Variants in CACNB2 observed in about 807,000 individuals in gnomAD.
CACNB2 encodes the protein calcium voltage-gated channel auxiliary subunit beta 2.
CACNB2 carries 42 observed loss-of-function variants against 73.3 expected under a neutral mutation model. That is an observed-to-expected ratio of 0.57 (90% confidence interval 0.45 to 0.74). The LOEUF is 0.74. Among genes scored for constraint, CACNB2 ranks in the 30% least tolerant of loss-of-function variants. The pLI is 0.00. For synonymous variants in CACNB2, 348 were observed against 310.3 expected (o/e 1.12, Z -1.28); for missense variants, 940 against 853.0 (o/e 1.10, Z -1.27).
chr10:18,389,124 C>T (rs1246237814), intron 2 of CACNB2, among the ~76,000 whole-genome samples: 1 of 152,058 alleles, frequency 6.6e-6, no homozygotes, highest in African/African-American at 2.4e-5. Flanking sequence ...GGAATCCAAC[C>T]TTATCTCTTC....
intron 2 of CACNB2, among the ~76,000 whole-genome samples, chr10:18,163,102 G>A (rs867722685): frequency 1.3e-5 from 2 of 152,106 alleles, no homozygotes; most frequent in Admixed American, 1.3e-4. Flanking sequence ...CACAGAGGTC[G>A]AAGAGTTGGA....
chr10:18,406,134 A>T (rs950244974), intron 3 of CACNB2, among the ~76,000 whole-genome samples: 1 of 152,192 alleles, frequency 6.6e-6, no homozygotes, highest in Non-Finnish European at 1.5e-5. Context: ...ACAAAGAAGA[A>T]ATTGGCAGGT....
chr10:18,388,943 G>C (rs1424471012), intron 2 of CACNB2, among the ~76,000 whole-genome samples: 1 of 152,066 alleles, frequency 6.6e-6, no homozygotes, highest in Non-Finnish European at 1.5e-5. Context: ...AACTACGAAG[G>C]TGAATCAATT....
chr10:18,468,376 G>A (rs1343198604), intron 3 of CACNB2, among the ~76,000 whole-genome samples: 4 of 151,998 alleles, frequency 2.6e-5, no homozygotes, highest in Admixed American at 6.6e-5. Flanking sequence ...CAGGAGAATC[G>A]CTTGAGCCTG....
chr10:18,323,247 C>T lies in CACNB2; in HGVS notation c.214-78677C>T, dbSNP rs555757404. On this transcript the variant is annotated intron_variant, in intron 2 of 13. Transcript: ENST00000324631. Reference sequence around the variant, plus strand: ...GTGCTGTGATTACAGGCGTGAGCCACTGCTCCTGGCCTCTCCTTGTTTTTC... The same window carrying T: ...GTGCTGTGATTACAGGCGTGAGCCATTGCTCCTGGCCTCTCCTTGTTTTTC... 4.6e-5 allele frequency among the ~76,000 whole-genome samples: 7 copies of T among 152,258 alleles called. No individual in the cohort carries two copies. The East Asian group carries it at 1.4e-3, about 29-fold the overall frequency.
chr10:18,402,074 T>A, intron 3 of CACNB2, 31 bp downstream of exon 3: 1 of 1,610,908 alleles, frequency 6.2e-7, no homozygotes, highest in African/African-American at 1.3e-5. Flanking sequence ...CCAAGATCTT[T>A]GCAAGTTGTG....
intron 3 of CACNB2, among the ~76,000 whole-genome samples, chr10:18,472,910 A>G (rs1398986483): frequency 6.6e-6 from 1 of 152,140 alleles, no homozygotes; most frequent in Non-Finnish European, 1.5e-5. Flanking sequence ...TGCCATTTGT[A>G]TTTTCAACAA....
chr10:18,500,308 C>T (rs1219370934), intron 4 of CACNB2, among the ~76,000 whole-genome samples: 1 of 152,184 alleles, frequency 6.6e-6, no homozygotes, highest in Non-Finnish European at 1.5e-5. Flanking sequence ...CAACATCACA[C>T]AAGTAGAGAA....
chr10:18,520,781 A>T (rs2051794673), intron 9 of CACNB2, among the ~76,000 whole-genome samples: 2 of 152,144 alleles, frequency 1.3e-5, no homozygotes, highest in Admixed American at 1.3e-4. Flanking sequence ...GGGCTTTGGC[A>T]CTTTGCAGTT....
chr10:18,479,819 C>T (rs2048631495), intron 3 of CACNB2, among the ~76,000 whole-genome samples: 2 of 152,190 alleles, frequency 1.3e-5, no homozygotes, highest in Admixed American at 1.3e-4. Context: ...GGAACTGAAT[C>T]AACTAAACCT....
rs2046384451 is a variant in CACNB2, at chr10:18,441,014, G to T, written c.333+38971G>T. On this transcript the variant is annotated intron_variant, in intron 3 of 13. Coordinates refer to ENST00000324631, the MANE Select transcript of CACNB2 (RefSeq NM_201596.3). ...AGAAAAACACTGATTGCTTTGTGGG[G>T]AAAAAGCCATGGGATTGGGAACCAG... 3.9e-5 allele frequency among the ~76,000 whole-genome samples: 6 copies of T among 152,194 alleles called. No individual in the cohort carries two copies. The South Asian group carries it at 1.2e-3, about 32-fold the overall frequency.
Position 18,514,323 on chromosome 10 carries a change from T to C in CACNB2, c.758T>C (p.Val253Ala). The C allele has an allele frequency of 6.2e-7, 1 of 1,614,172 alleles. No individual in the cohort carries two copies. The highest frequency in any genetic ancestry group is 1.7e-5 in the Admixed American group (1 of 60,014). The part of the protein sequence containing the change: ...HRSPKPSANS[V>A]TSPHSKEKRM... Reference sequence around the variant, plus strand: ...TCCCCTAAACCCAGTGCAAACAGTGTAACGTCACCCCACTCCAAAGAGAAA... The same window carrying C: ...TCCCCTAAACCCAGTGCAAACAGTGCAACGTCACCCCACTCCAAAGAGAAA... The change falls in exon 7 of 14, where the codon GTA (valine) becomes GCA (alanine). Residue 253 changes from valine to alanine, a missense_variant. Coordinates refer to ENST00000324631, the MANE Select transcript of CACNB2 (RefSeq NM_201596.3).
At chr10:18,492,272 G>T (rs1208917378) in intron 3 of CACNB2, among the ~76,000 whole-genome samples, 1 of 152,110 alleles carries the variant, frequency 6.6e-6, no homozygotes, top group African/African-American at 2.4e-5. Context: ...CATGAGTCTG[G>T]CCAGGGACAC....
chr10:18,445,743 G>A (rs978192806), intron 3 of CACNB2, among the ~76,000 whole-genome samples: 1 of 152,152 alleles, frequency 6.6e-6, no homozygotes, highest in African/African-American at 2.4e-5. Flanking sequence ...TGTAGAAGTG[G>A]TGGGATTGGG....
intron 3 of CACNB2, among the ~76,000 whole-genome samples, chr10:18,473,373 A>C (rs1177598208): frequency 6.6e-6 from 1 of 152,222 alleles, no homozygotes; most frequent in Non-Finnish European, 1.5e-5. Context: ...TATAAAAGTC[A>C]TATCTTGTAA....
chr10:18,499,259 A>G (rs1327250061), intron 4 of CACNB2, among the ~76,000 whole-genome samples: 2 of 152,180 alleles, frequency 1.3e-5, no homozygotes, highest in Admixed American at 6.5e-5. Flanking sequence ...CATAGGAAGT[A>G]TGTGTAAATC....
intron 2 of CACNB2, among the ~76,000 whole-genome samples, chr10:18,252,654 G>A (rs1415656775): frequency 1.3e-5 from 2 of 152,144 alleles, no homozygotes; most frequent in Non-Finnish European, 2.9e-5. Flanking sequence ...ATAGCTGTAG[G>A]TAGATGAAAT....
chr10:18,356,227 G>A (rs1362563217), intron 2 of CACNB2, among the ~76,000 whole-genome samples: 5 of 152,054 alleles, frequency 3.3e-5, no homozygotes, highest in African/African-American at 1.2e-4. Flanking sequence ...GCTTTTTTCT[G>A]ATGCTTCATT....
intron 4 of CACNB2, among the ~76,000 whole-genome samples, chr10:18,499,544 G>A (rs2050055356): frequency 6.6e-6 from 1 of 150,508 alleles, no homozygotes; most frequent in African/African-American, 2.4e-5. Context: ...GAACCAGCGA[G>A]TCGGAGGTTG....
Sources: gnomAD v4.1 joint callset for allele counts (sites outside exome capture counted in the v4.1 genomes callset) on GRCh38, gnomAD v4.1.1 for gene constraint, MANE v1.5 for transcripts, NCBI Gene and HGNC (gene_info 2026-07-23, HGNC 2026-07-21) for gene names.